Variants in PCDHA10 observed in about 807,000 individuals in gnomAD.
PCDHA10 encodes the protein protocadherin alpha 10.
In PCDHA10, 45 loss-of-function variants were observed where a neutral mutation model predicts 61.2. The observed-to-expected ratio is 0.74, with a 90% confidence interval of 0.58 to 0.94. The LOEUF is 0.94. Among genes scored for constraint, PCDHA10 ranks in the 40% least tolerant of loss-of-function variants. PCDHA10 has a pLI of 0.00. For missense variants in PCDHA10, 1,278 were observed against 1,236.2 expected (o/e 1.03, Z -0.51); for synonymous variants, 602 against 548.8 (o/e 1.10, Z -1.35).
chr5:140,954,523 G>A (rs1368260807), intron 1 of PCDHA10, among the ~76,000 whole-genome samples: 4 of 152,186 alleles, frequency 2.6e-5, no homozygotes, highest in African/African-American at 9.6e-5. Flanking sequence ...AATGATCAGT[G>A]ATGTTGAGGT....
At chr5:141,004,391 G>A (rs62384511) in intron 3 of PCDHA10, among the ~76,000 whole-genome samples, 4 of 152,342 alleles carry the variant, frequency 2.6e-5, no homozygotes, top group East Asian at 3.9e-4. Flanking sequence ...AGCTGGACAT[G>A]TGGAGGAGGC....
intron 1 of PCDHA10, among the ~76,000 whole-genome samples, chr5:140,950,689 A>G (rs1585383013): frequency 2.6e-5 from 4 of 152,212 alleles, no homozygotes; most frequent in Admixed American, 2.6e-4. Flanking sequence ...ATTGTTAACC[A>G]AATTTGACAA....
chr5:140,943,632 G>A (rs1351799858), intron 1 of PCDHA10, among the ~76,000 whole-genome samples: 1 of 152,098 alleles, frequency 6.6e-6, no homozygotes, highest in Non-Finnish European at 1.5e-5. Flanking sequence ...AAGGAAGCTG[G>A]ATTATGGATA....
chr5:140,966,903 A>G (rs1554228870), intron 1 of PCDHA10: 2 of 1,599,926 alleles, frequency 1.3e-6, no homozygotes, highest in South Asian at 2.2e-5. Context: ...CAGCTGCGAT[A>G]CTCTGTGCCA....
intron 1 of PCDHA10, chr5:140,875,303 C>T (rs2055408923): frequency 2.1e-6 from 3 of 1,414,848 alleles, no homozygotes; most frequent in Admixed American, 2.9e-5. Context: ...TTTTTCTCCG[C>T]ACCCACATTC....
intron 1 of PCDHA10, chr5:140,882,290 G>A: frequency 6.2e-7 from 1 of 1,613,532 alleles, no homozygotes; most frequent in Non-Finnish European, 8.5e-7. Flanking sequence ...CTGGCAAGGA[G>A]GCCCAAGACC....
intron 1 of PCDHA10, among the ~76,000 whole-genome samples, chr5:140,919,300 C>A (rs547709389): frequency 6.6e-6 from 1 of 152,248 alleles, no homozygotes; most frequent in African/African-American, 2.4e-5. Flanking sequence ...GCTGTTTGTA[C>A]AATATATGTT....
intron 1 of PCDHA10, chr5:140,870,820 G>C (rs1554164732): frequency 1.9e-6 from 3 of 1,613,630 alleles, no homozygotes; most frequent in African/African-American, 1.3e-5. Context: ...TGGCAGCGCG[G>C]GAGGCGCAGT....
At position 140,927,270 on chromosome 5, in the gene PCDHA10, C is replaced by T. The variant is rs541200655; in HGVS notation, c.2389-51679C>T. 5 of 1,614,150 alleles carry T rather than the reference C, an allele frequency of 3.1e-6. No individual in the cohort carries two copies. The South Asian group carries it at 3.3e-5, about 11-fold the overall frequency. ...ATGACAACTCACCTCTCTTTCCTGCCGGCGACGTGCAGCTGCACATCCCCG... is the reference window on the plus strand; with the variant it reads ...ATGACAACTCACCTCTCTTTCCTGCTGGCGACGTGCAGCTGCACATCCCCG... On this transcript the variant is annotated intron_variant, in intron 1 of 3. Transcript: ENST00000307360.
chr5:140,982,648 G>T, intron 3 of PCDHA10, 85 bp downstream of exon 3: 5 of 1,508,154 alleles, frequency 3.3e-6, no homozygotes, highest in Non-Finnish European at 4.4e-6. Flanking sequence ...GAATGTTGAT[G>T]GCTCTTTTTC....
intron 1 of PCDHA10, among the ~76,000 whole-genome samples, chr5:140,941,202 CCTTTCTTTCTTCCTTTCTTT>C (rs1442425625): frequency 7.3e-5 from 9 of 122,742 alleles, no homozygotes; most frequent in Non-Finnish European, 1.3e-4. Context: ...TTTCTTTCTT[CCTTTCTTTCTTCCTTTCTTT>C]CTTTCTTTCT....
chr5:141,003,724 A>C (rs575036478), intron 3 of PCDHA10, among the ~76,000 whole-genome samples: 2 of 151,950 alleles, frequency 1.3e-5, no homozygotes, highest in African/African-American at 4.8e-5. Flanking sequence ...CGGCTAATCC[A>C]ATAAAAAAGC....
chr5:140,985,202 G>A (rs1554246846), intron 3 of PCDHA10, among the ~76,000 whole-genome samples: 1 of 152,204 alleles, frequency 6.6e-6, no homozygotes, highest in Non-Finnish European at 1.5e-5. Flanking sequence ...CTCCCAAAGT[G>A]TTGGGATTAC....
chr5:140,889,983 T>C (rs1347862441), intron 1 of PCDHA10, among the ~76,000 whole-genome samples: 1 of 152,208 alleles, frequency 6.6e-6, no homozygotes, highest in Non-Finnish European at 1.5e-5. Flanking sequence ...TCTCCAGTTG[T>C]CTTAGCTTTC....
intron 1 of PCDHA10, chr5:140,875,283 CAG>C: frequency 7.3e-7 from 1 of 1,362,464 alleles, no homozygotes; most frequent in Non-Finnish European, 9.6e-7. Flanking sequence ...GAAGGTGAAA[CAG>C]GAAAATTTTT....
intron 3 of PCDHA10, among the ~76,000 whole-genome samples, chr5:141,003,903 G>A (rs150270772): frequency 6.6e-6 from 1 of 152,076 alleles, no homozygotes; most frequent in Non-Finnish European, 1.5e-5. Flanking sequence ...CCATTCATTT[G>A]GGTCTTGACT....
At chr5:140,972,415 A>G (rs1048437043) in intron 1 of PCDHA10, among the ~76,000 whole-genome samples, 2 of 152,138 alleles carry the variant, frequency 1.3e-5, no homozygotes, top group East Asian at 3.9e-4. Flanking sequence ...AACCCTGTTA[A>G]GATCTTTTAT....
Position 140,966,719 on chromosome 5 carries a change from G to A in PCDHA10, c.2389-12230G>A, listed in dbSNP as rs373995406. On this transcript the variant is annotated intron_variant, in intron 1 of 3. Coordinates refer to ENST00000307360, the MANE Select transcript of PCDHA10 (RefSeq NM_018901.4). ...CCGGGCGTGGGGCACGGCTGGGGAA[G>A]CTGCCGCCTCCGGCCCTGCCCGGCT... 7.2e-6 allele frequency: 10 copies of A among 1,395,512 alleles called. No individual in the cohort carries two copies. The East Asian group carries it at 1.1e-4, about 16-fold the overall frequency. 86.4% of individuals were successfully genotyped at this position (1,395,512 alleles called of 1,614,324 possible).
intron 1 of PCDHA10, chr5:140,875,357 C>T: frequency 1.4e-6 from 2 of 1,446,712 alleles, no homozygotes; most frequent in South Asian, 1.5e-5. Flanking sequence ...GACTGTGATG[C>T]TGGAAAAAAT....
Sources: gnomAD v4.1 joint callset for allele counts (sites outside exome capture counted in the v4.1 genomes callset) on GRCh38, gnomAD v4.1.1 for gene constraint, MANE v1.5 for transcripts, NCBI Gene and HGNC (gene_info 2026-07-23, HGNC 2026-07-21) for gene names.